The following ARL17B variants were observed in gnomAD, a reference collection of about 807,000 sequenced individuals.
ARL17B encodes ADP-ribosylation factor-like protein 17.
At chr17:46,314,774 C>G (rs558958452) in intron 3 of ARL17B, among the ~76,000 whole-genome samples, 1 of 82,038 alleles carries the variant, frequency 1.2e-5, no homozygotes, top group African/African-American at 3.1e-5. Flanking sequence ...TTTCCATCTA[C>G]ATTCGTAAGA....
At chr17:46,281,034 A>G (rs1288996851) in intron 4 of ARL17B, among the ~76,000 whole-genome samples, 2 of 152,208 alleles carry the variant, frequency 1.3e-5, no homozygotes, top group African/African-American at 4.8e-5. Flanking sequence ...TTATTCTTCC[A>G]TAATCTTCTA....
intron 4 of ARL17B, among the ~76,000 whole-genome samples, chr17:46,278,717 T>A (rs918206392): frequency 1.3e-5 from 2 of 152,300 alleles, no homozygotes; most frequent in African/African-American, 4.8e-5. Context: ...CAAGTTTTAT[T>A]TCCCTATAAT....
At chr17:46,312,664 G>A (rs1326281962) in intron 3 of ARL17B, among the ~76,000 whole-genome samples, 822 of 78,478 alleles carry the variant, frequency 0.01, 22 homozygotes, top group African/African-American at 0.039. Context: ...TAGAATGAAG[G>A]GGTAGCCGAC....
intron 3 of ARL17B, among the ~76,000 whole-genome samples, chr17:46,340,726 T>A (rs1394654387): frequency 1.3e-5 from 1 of 77,354 alleles, no homozygotes; most frequent in Non-Finnish European, 3.5e-5. Flanking sequence ...TTTTTTTTTC[T>A]AAAAACAGTT....
downstream of ARL17B, among the ~76,000 whole-genome samples, chr17:46,332,386 C>T (rs2052000648): frequency 2.8e-5 from 2 of 70,506 alleles, no homozygotes; most frequent in Non-Finnish European, 4.9e-5. Flanking sequence ...CCAGGGAGGT[C>T]GAGTCTAGTG....
At chr17:46,285,376 G>A (rs1188745111) in intron 4 of ARL17B, among the ~76,000 whole-genome samples, 3 of 151,952 alleles carry the variant, frequency 2.0e-5, no homozygotes, top group African/African-American at 4.8e-5. Context: ...TAGTAGCTGG[G>A]ATTACAGGCT....
chr17:46,283,828 A>C (rs1300637339), intron 4 of ARL17B, among the ~76,000 whole-genome samples: 2 of 152,246 alleles, frequency 1.3e-5, no homozygotes, highest in African/African-American at 4.8e-5. Context: ...GGGATGTGTC[A>C]GGGTCATAGG....
intron 4 of ARL17B, among the ~76,000 whole-genome samples, chr17:46,278,401 G>T (rs376781756): frequency 0.047 from 6,098 of 129,432 alleles, 170 homozygotes; most frequent in East Asian, 0.091. Flanking sequence ...GTTTTATTTT[G>T]TTTTTTTTTT....
chr17:46,286,052 A>G (rs1029506013), intron 4 of ARL17B, among the ~76,000 whole-genome samples: 1 of 152,228 alleles, frequency 6.6e-6, no homozygotes, highest in Non-Finnish European at 1.5e-5. Context: ...TGCAGCACCC[A>G]TGGTACCAAT....
intron 3 of ARL17B, among the ~76,000 whole-genome samples, chr17:46,344,253 CA>C (rs1163274159): frequency 1.3e-5 from 2 of 148,738 alleles, no homozygotes; most frequent in Admixed American, 1.3e-4. Context: ...CATGTTCACA[CA>C]TCACTGCAGT....
At chr17:46,322,098 TC>T (rs2051418371) in intron 3 of ARL17B, among the ~76,000 whole-genome samples, 1 of 45,240 alleles carries the variant, frequency 2.2e-5, no homozygotes, top group Non-Finnish European at 6.8e-5. Flanking sequence ...ACTTTTTTTT[TC>T]CTTGTAGTTC....
At chr17:46,289,350 T>TTC (rs1555612892) in intron 4 of ARL17B, among the ~76,000 whole-genome samples, 1 of 125,524 alleles carries the variant, frequency 8.0e-6, no homozygotes, top group Non-Finnish European at 2.0e-5. Flanking sequence ...GCTACTTTTT[T>TTC]TTTTGTAGAG....
rs541567328 is a variant in ARL17B, at chr17:46,314,851, T to C, written c.260-15186A>G. Reference sequence around the variant, plus strand: ...GGATACCAGGTTAATATCACCCTCATAGAATAAGTTAGGAAATGTTCTCTC... The same window carrying C: ...GGATACCAGGTTAATATCACCCTCACAGAATAAGTTAGGAAATGTTCTCTC... On this transcript the variant is annotated intron_variant, in intron 3 of 4. Transcript: ENST00000434041. Among the ~76,000 whole-genome samples the C allele has an allele frequency of 3.7e-5, 3 of 81,862 alleles. 1 individual carries two copies. Among genetic ancestry groups the C allele is most frequent in the East Asian group, 2.4e-4 (1 of 4,174 alleles). The allele number at this position is 81,862 out of a possible 152,430, so 53.7% of individuals were successfully genotyped here.
chr17:46,286,757 T>C (rs1337313926), intron 4 of ARL17B, among the ~76,000 whole-genome samples: 3 of 152,262 alleles, frequency 2.0e-5, no homozygotes, highest in African/African-American at 7.2e-5. Flanking sequence ...GCAATTTGGC[T>C]TCCTAAATTA....
chr17:46,286,189 A>G (rs757544165), intron 4 of ARL17B, among the ~76,000 whole-genome samples: 65 of 152,248 alleles, frequency 4.3e-4, no homozygotes, highest in Admixed American at 7.2e-4. Flanking sequence ...CCTGGGATAT[A>G]AAATAGTTTT....
At chr17:46,317,144 G>A (rs1173694887) in intron 3 of ARL17B, among the ~76,000 whole-genome samples, 4 of 89,820 alleles carry the variant, frequency 4.5e-5, no homozygotes, top group Admixed American at 1.2e-4. Context: ...CCCAGATGGG[G>A]TGGCGGCCGG....
intron 4 of ARL17B, among the ~76,000 whole-genome samples, chr17:46,284,923 G>A (rs2049863763): frequency 6.6e-6 from 1 of 152,234 alleles, no homozygotes; most frequent in African/African-American, 2.4e-5. Context: ...AGGCTGGAGT[G>A]GAGTGGCACG....
chr17:46,276,790 C>CTTTTTTTTTTTTT (rs75549659), intron 4 of ARL17B, among the ~76,000 whole-genome samples: 2 of 134,306 alleles, frequency 1.5e-5, no homozygotes, highest in Non-Finnish European at 3.2e-5. Context: ...TTCTTTTTTT[C>CTTTTTTTTTTTTT]TTTTTTTTTT....
intron 4 of ARL17B, among the ~76,000 whole-genome samples, chr17:46,289,653 T>C (rs1414411760): frequency 6.6e-6 from 1 of 152,182 alleles, no homozygotes; most frequent in African/African-American, 2.4e-5. Context: ...ATCTGACACA[T>C]TTATAAATTT....
Sources: allele counts gnomAD v4.1 joint callset (sites outside exome capture counted in the v4.1 genomes callset), GRCh38; gene constraint gnomAD v4.1.1; transcripts MANE v1.5; gene names NCBI Gene and HGNC (gene_info 2026-07-23, HGNC 2026-07-21).